The following NMBR variants were observed in gnomAD, a reference collection of about 807,000 sequenced individuals.
The protein encoded by NMBR is neuromedin B receptor.
NMBR carries 16 observed loss-of-function variants against 20.5 expected under a neutral mutation model. The observed-to-expected ratio is 0.78, with a 90% CI of 0.53 to 1.19. NMBR has a LOEUF of 1.19. NMBR is among the 50% of genes most tolerant of loss of function. NMBR has a pLI of 0.00. For missense variants in NMBR, 582 were observed against 499.1 expected (o/e 1.17, Z -1.58); for synonymous variants, 212 against 196.6 (o/e 1.08, Z -0.65).
intron 1 of NMBR, among the ~76,000 whole-genome samples, chr6:142,138,523 G>A (rs1373276767): frequency 1.3e-5 from 2 of 152,098 alleles, no homozygotes; most frequent in African/African-American, 4.8e-5. Flanking sequence ...CCAACAGGGT[G>A]GGGACTGGTA....
At chr6:142,117,396 T>G (rs1048265631) in intron 1 of NMBR, among the ~76,000 whole-genome samples, 1 of 151,920 alleles carries the variant, frequency 6.6e-6, no homozygotes, top group Non-Finnish European at 1.5e-5. Flanking sequence ...ATCTCAATAC[T>G]TAATAAGTAG....
intron 1 of NMBR, among the ~76,000 whole-genome samples, chr6:142,096,961 T>A (rs1303289103): frequency 6.6e-6 from 1 of 152,116 alleles, no homozygotes; most frequent in African/African-American, 2.4e-5. Flanking sequence ...TTTGTTGGTT[T>A]AAAGTCTGTT....
rs1036395087 is a variant in NMBR at position 142,136,482 on chromosome 6, A to C, written c.-664+10562T>G. Among the ~76,000 whole-genome samples, 11 of 152,160 alleles carry C rather than the reference A, an allele frequency of 7.2e-5. 1 individual carries two copies. Among genetic ancestry groups the C allele is most frequent in the South Asian group, 2.1e-4 (1 of 4,830 alleles). The stretch of plus-strand genomic sequence containing the variant: ...CTGATGGTAGTTTCTTTTGCTGTGC[A>C]GAAGCTCTTTAGTTTAATTAGATCC... On this transcript the variant is annotated intron_variant, in intron 1 of 3. Coordinates refer to ENST00000258042, the MANE Select transcript of NMBR (RefSeq NM_002511.4).
intron 1 of NMBR, among the ~76,000 whole-genome samples, chr6:142,123,031 A>T (rs1407699674): frequency 6.6e-6 from 1 of 151,950 alleles, no homozygotes; most frequent in Non-Finnish European, 1.5e-5. Flanking sequence ...AAAGCTACAG[A>T]TAGTGATTCT....
intron 1 of NMBR, among the ~76,000 whole-genome samples, chr6:142,140,582 A>T (rs774618132): frequency 1.1e-4 from 16 of 152,166 alleles, no homozygotes; most frequent in Non-Finnish European, 1.6e-4. Flanking sequence ...CAATAAATAC[A>T]AAAGATCCTG....
intron 2 of NMBR, among the ~76,000 whole-genome samples, chr6:142,083,455 T>C (rs1350170041): frequency 6.6e-6 from 1 of 152,180 alleles, no homozygotes; most frequent in Non-Finnish European, 1.5e-5. Flanking sequence ...GTGTGTTGTT[T>C]GTATCCTTAT....
At chr6:142,141,104 C>T (rs1440516306) in intron 1 of NMBR, among the ~76,000 whole-genome samples, 3 of 152,022 alleles carry the variant, frequency 2.0e-5, no homozygotes, top group African/African-American at 7.3e-5. Flanking sequence ...TAGAATACTC[C>T]ACCCAGCAAC....
chr6:142,107,197 G>T (rs1777678441), intron 1 of NMBR, among the ~76,000 whole-genome samples: 1 of 152,090 alleles, frequency 6.6e-6, no homozygotes, highest in African/African-American at 2.4e-5. Flanking sequence ...TAGGAGACCA[G>T]CCAAAGTCTA....
chr6:142,084,394 T>C lies in NMBR; in HGVS notation c.422+3843A>G, dbSNP rs541364448. On this transcript the variant is annotated intron_variant, in intron 2 of 3. Coordinates refer to ENST00000258042, the MANE Select transcript of NMBR (RefSeq NM_002511.4). Reference sequence around the variant, plus strand: ...TTAATGCATTAGAAACTTAATCAGATTTGGTACAACATTATTTTTGCATTT... The same window carrying C: ...TTAATGCATTAGAAACTTAATCAGACTTGGTACAACATTATTTTTGCATTT... Among the ~76,000 whole-genome samples the C allele has an allele frequency of 1.2e-4, 18 of 152,350 alleles. No individual in the cohort carries two copies. In the East Asian group the frequency reaches 3.3e-3, roughly 28 times the overall value.
At chr6:142,135,483 GTTTTC>G (rs760147250) in intron 1 of NMBR, among the ~76,000 whole-genome samples, 1 of 151,872 alleles carries the variant, frequency 6.6e-6, no homozygotes, top group East Asian at 1.9e-4. Context: ...TATTCAATCG[GTTTTC>G]TTTTCTTTTA....
chr6:142,106,248 G>A (rs1456557271), intron 1 of NMBR, among the ~76,000 whole-genome samples: 1 of 152,112 alleles, frequency 6.6e-6, no homozygotes, highest in Non-Finnish European at 1.5e-5. Flanking sequence ...ATAGCAAGGA[G>A]GCAAAACAGG....
chr6:142,108,433 AAAG>A (rs1170538823), intron 1 of NMBR, among the ~76,000 whole-genome samples: 2 of 152,228 alleles, frequency 1.3e-5, no homozygotes, highest in African/African-American at 4.8e-5. Context: ...TTTATAAAGG[AAAG>A]AAGTTTAATT....
intron 1 of NMBR, among the ~76,000 whole-genome samples, chr6:142,094,346 T>C (rs1429339419): frequency 6.6e-6 from 1 of 152,220 alleles, no homozygotes; most frequent in Admixed American, 6.5e-5. Context: ...AAGGAAGGGA[T>C]CCAGTTTCAG....
intron 2 of NMBR, 147 bp from the exon 3 acceptor site, chr6:142,079,050 A>G (rs899382852): frequency 1.2e-4 from 55 of 444,494 alleles, no homozygotes; most frequent in Middle Eastern, 6.0e-4. Context: ...GAGAGAAAGA[A>G]AGAGAGAAAG....
At chr6:142,146,487 A>T (rs565688055) in intron 1 of NMBR, among the ~76,000 whole-genome samples, 6 of 152,296 alleles carry the variant, frequency 3.9e-5, no homozygotes, top group Admixed American at 3.9e-4. Context: ...GTAGAAGGAA[A>T]AGTGATGCCT....
At chr6:142,146,784 T>G (rs1342357091) in intron 1 of NMBR, among the ~76,000 whole-genome samples, 1 of 152,198 alleles carries the variant, frequency 6.6e-6, no homozygotes, top group Non-Finnish European at 1.5e-5. Flanking sequence ...TTAAACACAT[T>G]ATTTCTCTCT....
At chr6:142,080,311 C>CT (rs767477652) in intron 2 of NMBR, among the ~76,000 whole-genome samples, 26,609 of 116,146 alleles carry the variant, frequency 0.23, 4,335 homozygotes, top group East Asian at 0.64. Flanking sequence ...TGCCCTATAT[C>CT]TTTTTTTTTT....
Position 142,075,687 on chromosome 6 carries a change from T to C in NMBR, c.1134A>G (p.Leu378=). The change falls in exon 4 of 4, where the codon TTA becomes TTG. Residue 378 remains leucine, a synonymous_variant. Coordinates refer to ENST00000258042, the MANE Select transcript of NMBR (RefSeq NM_002511.4). ...CCTGCTTCATGCTGTGCCCATTTAG[T>C]AAAACAGAATTGGTCACCATGTTCT... ...NAKNMVTNSV[L]LNGHSMKQEM... 1 of 1,613,358 alleles carries C rather than the reference T, an allele frequency of 6.2e-7. No individual in the cohort carries two copies. The highest frequency in any genetic ancestry group is 8.5e-7 in the Non-Finnish European group (1 of 1,179,620).
intron 1 of NMBR, among the ~76,000 whole-genome samples, chr6:142,093,282 C>A (rs1489431682): frequency 6.8e-6 from 1 of 146,634 alleles, no homozygotes; most frequent in Non-Finnish European, 1.5e-5. Flanking sequence ...AGGTATATCT[C>A]CTAATGCTAT....
Sources: allele counts gnomAD v4.1 joint callset (sites outside exome capture counted in the v4.1 genomes callset), GRCh38; gene constraint gnomAD v4.1.1; transcripts MANE v1.5; gene names NCBI Gene and HGNC (gene_info 2026-07-23, HGNC 2026-07-21).